PKP2: variants seen among roughly 807,000 people sequenced by gnomAD.
PKP2 encodes the protein plakophilin 2, also known as plakophilin-2.
PKP2 carries 73 observed loss-of-function variants against 83.4 expected under a neutral mutation model. That is an observed-to-expected ratio of 0.88 (90% CI 0.72 to 1.06). The LOEUF (loss-of-function observed/expected upper bound fraction) is 1.06. PKP2 is among the 50% of genes least tolerant of loss of function. The pLI is 0.00. For synonymous variants in PKP2, 409 were observed against 430.4 expected (o/e 0.95, Z 0.62); for missense variants, 966 against 1,065.4 (o/e 0.91, Z 1.30).
intron 9 of PKP2, 140 bp from the exon 10 acceptor site, chr12:32,802,696 T>C (rs558912645): frequency 2.7e-4 from 211 of 781,110 alleles, no homozygotes; most frequent in Non-Finnish European, 3.7e-4. Flanking sequence ...TCTCTCTCTG[T>C]CATTCAGGCT....
chr12:32,871,063 T>C (rs569495893), intron 3 of PKP2, among the ~76,000 whole-genome samples: 117 of 152,214 alleles, frequency 7.7e-4, no homozygotes, highest in African/African-American at 2.6e-3. Flanking sequence ...TCCAACTCCA[T>C]AACACGGCAT....
chr12:32,857,173 T>C (rs1472473521), intron 4 of PKP2, among the ~76,000 whole-genome samples: 1 of 152,150 alleles, frequency 6.6e-6, no homozygotes, highest in Non-Finnish European at 1.5e-5. Context: ...TCTGTAATCC[T>C]AGCACTTTGG....
At chr12:32,819,885 ACCCCC>A (rs34249258) in intron 9 of PKP2, among the ~76,000 whole-genome samples, 3 of 145,632 alleles carry the variant, frequency 2.1e-5, no homozygotes, top group Non-Finnish European at 4.5e-5. Context: ...CGCACACACA[ACCCCC>A]CCCCCCCCAT....
Position 32,845,571 on chromosome 12 carries a change from A to G in PKP2, c.1379-4366T>C, listed in dbSNP as rs113487428. 4.3e-4 allele frequency among the ~76,000 whole-genome samples: 66 copies of G among 152,202 alleles called. 1 individual carries two copies. The highest frequency in any genetic ancestry group is 1.5e-3 in the African/African-American group (62 of 41,564). ...CGTCTCAAAAAAATAAATAAAAATAATAATAAAAAAATTAATGACCTCTAG... is the reference window on the plus strand; with the variant it reads ...CGTCTCAAAAAAATAAATAAAAATAGTAATAAAAAAATTAATGACCTCTAG... On this transcript the variant is annotated intron_variant, in intron 5 of 12. Transcript: ENST00000340811.
rs1956073404 is a variant in PKP2, at chr12:32,792,136, T to C, written c.*288A>G. ...TCCTTATTTATTGGATTAATGTCCC[T>C]TCCACATGAATTCACATTTTGATTC... On this transcript the variant is annotated 3_prime_UTR_variant, in exon 13 of 13. Transcript: ENST00000340811. 1 of 460,116 alleles carries C rather than the reference T, an allele frequency of 2.2e-6. No individual in the cohort carries two copies. The highest frequency in any genetic ancestry group is 2.0e-5 in the African/African-American group (1 of 50,568). 28.5% of individuals were successfully genotyped at this position (460,116 alleles called of 1,614,324 possible).
intron 11 of PKP2, among the ~76,000 whole-genome samples, chr12:32,794,831 C>T (rs1268361445): frequency 6.6e-6 from 1 of 152,170 alleles, no homozygotes; most frequent in Non-Finnish European, 1.5e-5. Flanking sequence ...TTGTTTTAAT[C>T]TGACTCTAAA....
chr12:32,824,185 A>T (rs771516928), intron 6 of PKP2, 23 bp from the exon 7 acceptor site: 1 of 1,480,722 alleles, frequency 6.8e-7, no homozygotes. Context: ...ACAAAAAACA[A>T]AAAAGTAAGT....
intron 9 of PKP2, among the ~76,000 whole-genome samples, chr12:32,802,948 C>T (rs542861898): frequency 6.6e-6 from 1 of 152,176 alleles, no homozygotes; most frequent in South Asian, 2.1e-4. Flanking sequence ...CGTGAACCAC[C>T]ATGCCCAGCC....
intron 5 of PKP2, among the ~76,000 whole-genome samples, chr12:32,847,790 A>T (rs1039887339): frequency 1.3e-5 from 2 of 152,088 alleles, no homozygotes; most frequent in African/African-American, 2.4e-5. Flanking sequence ...TCCTGACTAT[A>T]AAACTAGTAG....
rs879271735 is a variant in PKP2, at chr12:32,878,959, T to A, written c.297A>T (p.Gly99=). Residue 99 remains glycine (G), a synonymous_variant, in exon 2 of 13, where the codon GGA becomes GGT. Transcript: ENST00000340811. ...NLHLVENDFV[G]GRSPVPKTYD... is the part of the protein sequence containing the mutation. ...AGGTTTTAGGAACAGGGGAACGGCC[T>A]CCAACAAAATCATTTTCAACCAAGT... The A allele has an allele frequency of 1.2e-6, 2 of 1,606,134 alleles. No individual in the cohort carries two copies. The highest frequency in any genetic ancestry group is 8.5e-7 in the Non-Finnish European group (1 of 1,174,592).
At chr12:32,808,649 CTTTG>C (rs1956247719) in intron 9 of PKP2, among the ~76,000 whole-genome samples, 3 of 152,168 alleles carry the variant, frequency 2.0e-5, no homozygotes, top group Non-Finnish European at 4.4e-5. Context: ...TCTTTCTCAT[CTTTG>C]TGGGCTTATC....
chr12:32,863,654 C>T (rs905742097), intron 4 of PKP2, among the ~76,000 whole-genome samples: 6 of 152,198 alleles, frequency 3.9e-5, no homozygotes, highest in Non-Finnish European at 7.3e-5. Flanking sequence ...AGCCCCACAG[C>T]AGTTCAAGAA....
At position 32,824,165 on chromosome 12, in the gene PKP2, A is replaced by G; in HGVS notation, c.1557-3T>C. The G allele has an allele frequency of 5.0e-6, 8 of 1,603,526 alleles. No individual in the cohort carries two copies. Among genetic ancestry groups the G allele is most frequent in the Non-Finnish European group, 6.8e-6 (8 of 1,171,820 alleles). Reference sequence around the variant, plus strand: ...CAGCGCCAGCAGAACTCATGTTTCTATCAGAAAAAACAAAAAACAAAAAAG... The same window carrying G: ...CAGCGCCAGCAGAACTCATGTTTCTGTCAGAAAAAACAAAAAACAAAAAAG... On this transcript the variant is annotated splice_polypyrimidine_tract_variant and splice_region_variant and intron_variant, in intron 6 of 12. Transcript: ENST00000340811.
At chr12:32,805,413 C>A (rs1956218366) in intron 9 of PKP2, among the ~76,000 whole-genome samples, 1 of 152,086 alleles carries the variant, frequency 6.6e-6, no homozygotes, top group Non-Finnish European at 1.5e-5. Flanking sequence ...CCTAGATTTT[C>A]TTCTAGGGTT....
rs115492558 is a variant in PKP2, at chr12:32,829,952, T to C, written c.1557-5790A>G. On this transcript the variant is annotated intron_variant, in intron 6 of 12. Transcript: ENST00000340811. Reference sequence around the variant, plus strand: ...CTGGGATTACAGGCGTAAACCACTGTACCTGGCCTGGGACCAGTCTTGAAG... The same window carrying C: ...CTGGGATTACAGGCGTAAACCACTGCACCTGGCCTGGGACCAGTCTTGAAG... 1.9e-3 allele frequency among the ~76,000 whole-genome samples: 293 copies of C among 152,308 alleles called. 1 individual carries two copies. Among genetic ancestry groups the C allele is most frequent in the African/African-American group, 6.8e-3 (283 of 41,572 alleles).
chr12:32,820,391 C>A (rs947399695), intron 9 of PKP2: 3 of 152,020 alleles, frequency 2.0e-5, no homozygotes, highest in East Asian at 1.9e-4. Context: ...TTACAGAATA[C>A]CTTAATATAT....
intron 4 of PKP2, among the ~76,000 whole-genome samples, chr12:32,857,407 C>T (rs1020274956): frequency 1.3e-5 from 2 of 151,056 alleles, no homozygotes; most frequent in Non-Finnish European, 2.9e-5. Flanking sequence ...GCCTGGGCAA[C>T]AGAGTGAGAA....
At chr12:32,829,669 T>C (rs1392042915) in intron 6 of PKP2, among the ~76,000 whole-genome samples, 1 of 151,468 alleles carries the variant, frequency 6.6e-6, no homozygotes, top group South Asian at 2.1e-4. Context: ...TATTTTATTT[T>C]ATTTTTTTTG....
chr12:32,859,208 C>T (rs1165455017), intron 4 of PKP2, among the ~76,000 whole-genome samples: 2 of 151,958 alleles, frequency 1.3e-5, no homozygotes, highest in Non-Finnish European at 2.9e-5. Flanking sequence ...TAATTTGATG[C>T]TTTGGAAAGA....
Sources: allele counts gnomAD v4.1 joint callset (sites outside exome capture counted in the v4.1 genomes callset), GRCh38; gene constraint gnomAD v4.1.1; transcripts MANE v1.5; gene names NCBI Gene and HGNC (gene_info 2026-07-23, HGNC 2026-07-21).